The following SLC9A9 variants were observed in gnomAD, a reference collection of about 807,000 sequenced individuals.
SLC9A9 encodes solute carrier family 9 member A9, also known as sodium/hydrogen exchanger 9.
SLC9A9 carries 62 observed loss-of-function variants against 77.8 expected under a neutral mutation model. The observed-to-expected ratio is 0.80, with a 90% CI of 0.65 to 0.98. The LOEUF is 0.98. Among genes scored for constraint, SLC9A9 ranks in the 50% least tolerant of loss-of-function variants. The probability of loss-of-function intolerance (pLI) is 0.00; values close to 1 mark genes in which losing one functional copy is unlikely to be tolerated. For missense variants in SLC9A9, 775 were observed against 774.9 expected, an observed-to-expected ratio of 1.00 and a Z score of 0.00; for synonymous variants, 320 against 283.5, an observed-to-expected ratio of 1.13 and a Z score of -1.29.
rs535875035 is a variant in SLC9A9, at chr3:143,640,544, C to A, written c.755+11711G>T. Among the ~76,000 whole-genome samples, 23 of 152,098 alleles carry A rather than the reference C, an allele frequency of 1.5e-4. 1 individual carries two copies. The highest frequency in any genetic ancestry group is 2.9e-5 in the Non-Finnish European group (2 of 68,020). On this transcript the variant is annotated intron_variant, in intron 6 of 15. Transcript: ENST00000316549. ...TGATGATATATAGCAGAAGACAGAA[C>A]TACCTCCTCCAACTTTCTCTCAAAA...
intron 11 of SLC9A9, 121 bp downstream of exon 11, chr3:143,493,532 G>T: frequency 1.2e-6 from 1 of 813,038 alleles, no homozygotes; most frequent in Non-Finnish European, 2.1e-6. Flanking sequence ...CATAGTGTTA[G>T]GTACAATGGG....
intron 6 of SLC9A9, among the ~76,000 whole-genome samples, chr3:143,624,506 G>A (rs1430815928): frequency 1.3e-5 from 2 of 152,116 alleles, no homozygotes; most frequent in African/African-American, 4.8e-5. Context: ...CAAAACCAAT[G>A]ACAAAAACCA....
chr3:143,318,108 CA>C (rs1443613367), intron 14 of SLC9A9, among the ~76,000 whole-genome samples: 1 of 152,212 alleles, frequency 6.6e-6, no homozygotes, highest in Non-Finnish European at 1.5e-5. Flanking sequence ...TTGTTATAAC[CA>C]CCAGCAGTGG....
chr3:143,457,944 T>C (rs2035122515), intron 12 of SLC9A9, among the ~76,000 whole-genome samples: 2 of 152,196 alleles, frequency 1.3e-5, no homozygotes, highest in Admixed American at 1.3e-4. Flanking sequence ...TAAATGTCAA[T>C]TAAATGCAGC....
intron 12 of SLC9A9, among the ~76,000 whole-genome samples, chr3:143,386,060 C>T (rs1027917568): frequency 4.6e-5 from 7 of 152,188 alleles, no homozygotes; most frequent in African/African-American, 1.7e-4. Flanking sequence ...GCACTGTCCT[C>T]CCTTCTGTCT....
intron 1 of SLC9A9, among the ~76,000 whole-genome samples, chr3:143,841,977 A>G (rs2009718158): frequency 6.6e-6 from 1 of 151,680 alleles, no homozygotes; most frequent in Non-Finnish European, 1.5e-5. Flanking sequence ...CTGCTCTCGA[A>G]CTCCTGACCT....
At chr3:143,553,252 G>A (rs909210502) in intron 8 of SLC9A9, among the ~76,000 whole-genome samples, 10 of 152,024 alleles carry the variant, frequency 6.6e-5, no homozygotes, top group Non-Finnish European at 1.3e-4. Context: ...CCATGAGACC[G>A]ACATGCTATC....
At chr3:143,287,454 T>C (rs1044283394) in intron 14 of SLC9A9, among the ~76,000 whole-genome samples, 2 of 152,206 alleles carry the variant, frequency 1.3e-5, no homozygotes, top group Admixed American at 6.5e-5. Context: ...AAGTCTCCAT[T>C]CCACTGCTTG....
intron 9 of SLC9A9, among the ~76,000 whole-genome samples, chr3:143,544,529 C>T (rs2036751038): frequency 6.6e-6 from 1 of 152,124 alleles, no homozygotes; most frequent in East Asian, 1.9e-4. Context: ...TTTTTTTGCT[C>T]ATTTAGTTGT....
intron 9 of SLC9A9, among the ~76,000 whole-genome samples, chr3:143,505,175 C>G (rs1255063567): frequency 6.6e-6 from 1 of 152,040 alleles, no homozygotes; most frequent in Non-Finnish European, 1.5e-5. Flanking sequence ...TCCCAAATAT[C>G]TATCACCACT....
intron 6 of SLC9A9, among the ~76,000 whole-genome samples, chr3:143,642,374 T>A (rs2038638718): frequency 1.3e-5 from 2 of 152,206 alleles, no homozygotes; most frequent in African/African-American, 4.8e-5. Flanking sequence ...ATTTTCTTTG[T>A]CTTGCTTCCT....
chr3:143,591,976 G>A (rs1031967458), intron 6 of SLC9A9, among the ~76,000 whole-genome samples: 4 of 152,310 alleles, frequency 2.6e-5, no homozygotes, highest in East Asian at 1.9e-4. Flanking sequence ...CAATATTCTG[G>A]AAGCCTGGGG....
intron 6 of SLC9A9, among the ~76,000 whole-genome samples, chr3:143,651,646 G>A (rs113136174): frequency 8.5e-5 from 13 of 152,172 alleles, no homozygotes; most frequent in Non-Finnish European, 1.9e-4. Context: ...AAATATAAAT[G>A]GTAAGTGTCT....
At chr3:143,704,676 T>G (rs1413540719) in intron 4 of SLC9A9, among the ~76,000 whole-genome samples, 2 of 146,694 alleles carry the variant, frequency 1.4e-5, no homozygotes, top group East Asian at 2.0e-4. Flanking sequence ...GCAACCTAAG[T>G]GTCCATCAAC....
chr3:143,802,581 A>G (rs2008593863), intron 2 of SLC9A9, among the ~76,000 whole-genome samples: 1 of 152,314 alleles, frequency 6.6e-6, no homozygotes, highest in Non-Finnish European at 1.5e-5. Context: ...TCTGTCAGAC[A>G]TAACTCCTCA....
intron 5 of SLC9A9, among the ~76,000 whole-genome samples, chr3:143,676,637 T>C (rs2108769639): frequency 6.6e-6 from 1 of 152,200 alleles, no homozygotes; most frequent in East Asian, 1.9e-4. Context: ...CTCGGGAGGC[T>C]GAGGCAGGAG....
chr3:143,848,094 C>G (rs1444122513), intron 1 of SLC9A9, 54 bp downstream of exon 1: 7 of 1,516,694 alleles, frequency 4.6e-6, no homozygotes, highest in Non-Finnish European at 6.4e-6. Flanking sequence ...GCACAAGTCT[C>G]TAATTACGCT....
intron 14 of SLC9A9, among the ~76,000 whole-genome samples, chr3:143,331,142 C>A (rs538316577): frequency 5.3e-5 from 8 of 152,160 alleles, no homozygotes; most frequent in Non-Finnish European, 1.2e-4. Context: ...TGATTAGAGA[C>A]AATCCTGAGC....
At chr3:143,568,618 A>G (rs996684092) in intron 8 of SLC9A9, among the ~76,000 whole-genome samples, 4 of 152,212 alleles carry the variant, frequency 2.6e-5, no homozygotes, top group African/African-American at 9.6e-5. Context: ...TTGGGCACAG[A>G]ACACTTACTA....
Sources: gnomAD v4.1 joint callset for allele counts (sites outside exome capture counted in the v4.1 genomes callset) on GRCh38, gnomAD v4.1.1 for gene constraint, MANE v1.5 for transcripts, NCBI Gene and HGNC (gene_info 2026-07-23, HGNC 2026-07-21) for gene names.